CD5: variants seen among roughly 807,000 people sequenced by gnomAD.
CD5 encodes the protein T-cell surface glycoprotein CD5.
A neutral mutation model predicts 60.3 loss-of-function variants in CD5; 36 were observed. That is an observed-to-expected ratio of 0.60 (90% CI 0.46 to 0.79). CD5 has a LOEUF of 0.79. Among genes scored for constraint, CD5 ranks in the 30% least tolerant of loss-of-function variants. CD5 has a pLI of 0.00. For synonymous variants in CD5, 230 were observed against 257.6 expected, an observed-to-expected ratio of 0.89 and a Z score of 1.03; for missense variants, 540 against 630.6, an observed-to-expected ratio of 0.86 and a Z score of 1.54.
intron 1 of CD5, 58 bp downstream of exon 1, chr11:61,102,673 G>A: frequency 1.4e-6 from 2 of 1,426,904 alleles, no homozygotes; most frequent in South Asian, 1.2e-5. Flanking sequence ...TGCAAGGAAG[G>A]AGTTCCCAGT....
At chr11:61,102,156 C>T (rs1425361956), upstream of CD5, among the ~76,000 whole-genome samples, 1 of 152,210 alleles carries the variant, frequency 6.6e-6, no homozygotes, top group Non-Finnish European at 1.5e-5. Context: ...ACCCCTGCCT[C>T]AGGGACGCCT....
At chr11:61,123,732 G>C in intron 7 of CD5, 152 bp from the exon 8 acceptor site, 1 of 655,250 alleles carries the variant, frequency 1.5e-6, no homozygotes, top group Non-Finnish European at 2.7e-6. Flanking sequence ...AGGCCTACGA[G>C]AGACTCCAGG....
chr11:61,118,389 C>T lies in CD5; in HGVS notation c.309C>T (p.Ser103=), dbSNP rs767541093. 35 of 1,614,236 alleles carry T rather than the reference C, an allele frequency of 2.2e-5. No homozygotes were observed. The highest frequency in any genetic ancestry group is 3.0e-5 in the Non-Finnish European group (35 of 1,180,026). The change falls in exon 3 of 11, where the codon AGC becomes AGT. Residue 103 remains serine (S), a synonymous_variant. Coordinates refer to ENST00000347785, the MANE Select transcript of CD5 (RefSeq NM_014207.4). This position sits in a 1 kb window ranked among gnomAD's most constrained non-coding sequence, Gnocchi z 4.7. ...GPFLVTYTPQ[S]SIICYGQLGS... ...TCCTTGTCACCTACACACCTCAGAG[C>T]TCAATCATCTGCTACGGACAACTGG...
At chr11:61,116,666 C>G (rs898442942) in intron 2 of CD5, among the ~76,000 whole-genome samples, 2 of 18,706 alleles carry the variant, frequency 1.1e-4, no homozygotes, top group Non-Finnish European at 4.9e-4. Context: ...ACCACACACA[C>G]CACACACACA....
chr11:61,110,586 G>C (rs1214755349), intron 1 of CD5, among the ~76,000 whole-genome samples: 1 of 152,198 alleles, frequency 6.6e-6, no homozygotes, highest in Non-Finnish European at 1.5e-5. Context: ...AATGAAACCT[G>C]GGGCAGGCCA....
At position 61,125,849 on chromosome 11, in the gene CD5, C is replaced by T. The variant is rs762473746; in HGVS notation, c.*2+8C>T. On this transcript the variant is annotated splice_region_variant and intron_variant, in intron 10 of 10. Coordinates refer to ENST00000347785, the MANE Select transcript of CD5 (RefSeq NM_014207.4). ...GGCTCAGAGGCTGTAAAGGTGAGCC[C>T]GTCTCCAGCCTGACCCCAGCACCCC... is the stretch of plus-strand genomic sequence containing the variant. The T allele has an allele frequency of 2.5e-5, 40 of 1,592,328 alleles. No homozygotes were observed. The highest frequency in any genetic ancestry group is 3.3e-5 in the Non-Finnish European group (39 of 1,166,374).
the CD5 span, among the ~76,000 whole-genome samples, chr11:61,094,185 G>A: frequency 2.6e-5 from 4 of 151,744 alleles, no homozygotes; most frequent in Non-Finnish European, 4.4e-5. Flanking sequence ...TCCTCAGAGC[G>A]CTCCCAGGTA....
At chr11:61,101,909 TCTAC>T (rs748126276), upstream of CD5, among the ~76,000 whole-genome samples, 49 of 131,134 alleles carry the variant, frequency 3.7e-4, no homozygotes, top group East Asian at 3.1e-3. Flanking sequence ...TCTCTCTCTC[TCTAC>T]ACACACACAC....
chr11:61,094,525 T>A, the CD5 span, among the ~76,000 whole-genome samples: 8 of 152,078 alleles, frequency 5.3e-5, no homozygotes, highest in Non-Finnish European at 1.2e-4. Flanking sequence ...AGCACTTTGG[T>A]TTTTGTTTTT....
At chr11:61,098,849 G>A (rs1860618053), upstream of CD5, among the ~76,000 whole-genome samples, 1 of 152,236 alleles carries the variant, frequency 6.6e-6, no homozygotes, top group Non-Finnish European at 1.5e-5. Context: ...ACAGGTCTAA[G>A]TGGAATCTAA....
At position 61,118,299 on chromosome 11, in the gene CD5, C is replaced by A. The variant is rs758676539; in HGVS notation, c.219C>A (p.Asp73Glu). Residue 73 changes from aspartate to glutamate, a missense_variant, in exon 3 of 11, where the codon GAC (aspartate) becomes GAA (glutamate). Physicochemically the swap from Asp to Glu is conservative, Grantham distance 45. Transcript: ENST00000347785. This position sits in a 1 kb window ranked among gnomAD's most constrained non-coding sequence, Gnocchi z 4.7. ...SWGRSSKQWEDPSQASKVCQR... is the reference protein window; with the variant it reads ...SWGRSSKQWEEPSQASKVCQR... Reference sequence around the variant, plus strand: ...GCCGGAGCTCCAAGCAGTGGGAGGACCCCAGTCAAGCGTCAAAAGTCTGCC... The same window carrying A: ...GCCGGAGCTCCAAGCAGTGGGAGGAACCCAGTCAAGCGTCAAAAGTCTGCC... 2 of 1,614,250 alleles carry A rather than the reference C, an allele frequency of 1.2e-6. No individual in the cohort carries two copies. The highest frequency in any genetic ancestry group is 1.7e-6 in the Non-Finnish European group (2 of 1,180,048).
At chr11:61,122,492 T>C (rs1317043456) in intron 6 of CD5, among the ~76,000 whole-genome samples, 1 of 149,822 alleles carries the variant, frequency 6.7e-6, no homozygotes, top group African/African-American at 2.5e-5. Flanking sequence ...GGTGAGTGGA[T>C]GGATGGATGG....
the CD5 span, among the ~76,000 whole-genome samples, chr11:61,096,007 T>C: frequency 1.3e-5 from 2 of 152,122 alleles, no homozygotes; most frequent in South Asian, 2.1e-4. Flanking sequence ...TCACAGTTAC[T>C]GGAAATAGTC....
chr11:61,093,970 G>T, the CD5 span, among the ~76,000 whole-genome samples: 1 of 152,254 alleles, frequency 6.6e-6, no homozygotes, highest in East Asian at 1.9e-4. Flanking sequence ...CAGGAGTCTT[G>T]CTGATGCTCC....
At chr11:61,098,366 T>G (rs1439491775), upstream of CD5, among the ~76,000 whole-genome samples, 1 of 152,196 alleles carries the variant, frequency 6.6e-6, no homozygotes, top group Non-Finnish European at 1.5e-5. Flanking sequence ...CTCCCACTCA[T>G]GAGTGAGATT....
rs1362453226 is a variant in CD5, at chr11:61,122,974, CCTGGTGGTGCTG to C, written c.1173_1184del (p.Leu393_Val396del). The C allele has an allele frequency of 1.9e-6, 3 of 1,614,114 alleles. No individual in the cohort carries two copies. The highest frequency in any genetic ancestry group is 1.7e-5 in the Admixed American group (1 of 60,020). ...CAAGCATCATCCTGGCCCTGGTGCT[CCTGGTGGTGCTG>C]CTGGTCGTGTGCGGCCCCCTTGCCT... On this transcript the variant is annotated inframe_deletion, in exon 7 of 11. Transcript: ENST00000347785.
chr11:61,119,609 T>C, intron 5 of CD5, 34 bp downstream of exon 5: 1 of 1,492,736 alleles, frequency 6.7e-7, no homozygotes, highest in Non-Finnish European at 9.2e-7. Flanking sequence ...CATGACACCT[T>C]CTGCTGCCCT....
rs764258889 is a variant in CD5 at position 61,122,952 on chromosome 11, G to A, written c.1145G>A (p.Ser382Asn). 1.2e-5 allele frequency: 20 copies of A among 1,614,126 alleles called. No homozygotes were observed. In the South Asian group the frequency reaches 2.1e-4, roughly 17 times the overall value. ...PAGLAAGTVA[S>N]IILALVLLVV... ...GGCCTGGCCGCAGGCACGGTGGCAAGCATCATCCTGGCCCTGGTGCTCCTG... is the reference window on the plus strand; with the variant it reads ...GGCCTGGCCGCAGGCACGGTGGCAAACATCATCCTGGCCCTGGTGCTCCTG... The change falls in exon 7 of 11, where the codon AGC becomes AAC. Residue 382 changes from serine (S) to asparagine (N), a missense_variant. Coordinates refer to ENST00000347785, the MANE Select transcript of CD5 (RefSeq NM_014207.4).
chr11:61,123,080 G>C (rs1861093143), intron 7 of CD5, 48 bp downstream of exon 7: 1 of 1,550,328 alleles, frequency 6.5e-7, no homozygotes, highest in African/African-American at 1.4e-5. Context: ...GCAGAGACTG[G>C]AGGGGCTGCA....
Sources: gnomAD v4.1 joint callset for allele counts (sites outside exome capture counted in the v4.1 genomes callset) on GRCh38, gnomAD v4.1.1 for gene constraint, Gnocchi (gnomAD v3.1) non-coding constraint, MANE v1.5 for transcripts, NCBI Gene and HGNC (gene_info 2026-07-23, HGNC 2026-07-21) for gene names.